The following COX7B2 variants were observed in gnomAD, a reference collection of about 807,000 sequenced individuals.
The protein encoded by COX7B2 is cytochrome c oxidase subunit 7B2, mitochondrial.
For missense variants in COX7B2, 109 were observed against 95.9 expected (o/e 1.14, Z -0.57); for synonymous variants, 37 against 32.1 (o/e 1.15, Z -0.51).
chr4:46,767,184 T>C (rs1306476420), intron 2 of COX7B2, among the ~76,000 whole-genome samples: 1 of 152,164 alleles, frequency 6.6e-6, no homozygotes, highest in Non-Finnish European at 1.5e-5. Context: ...TCCACGCAAG[T>C]GGCAAACAAA....
chr4:46,735,199 T>C lies in COX7B2; in HGVS notation c.-7A>G, dbSNP rs778985696. ...TGGCCAAGGGAAACATCATGAAGGA[T>C]TGCAGTTGCCTTCAGCTACTGGTCT... On this transcript the variant is annotated 5_prime_UTR_variant, in exon 3 of 3. Coordinates refer to ENST00000355591, the MANE Select transcript of COX7B2 (RefSeq NM_130902.3). The C allele has an allele frequency of 4.8e-5, 78 of 1,612,822 alleles. No individual in the cohort carries two copies. Among genetic ancestry groups the C allele is most frequent in the East Asian group, 1.3e-4 (6 of 44,878 alleles).
At chr4:46,763,038 T>C (rs942517430) in intron 2 of COX7B2, among the ~76,000 whole-genome samples, 4 of 132,092 alleles carry the variant, frequency 3.0e-5, no homozygotes, top group African/African-American at 1.1e-4. Context: ...ATATAATATA[T>C]ATTATATATT....
chr4:46,763,686 T>A (rs1046077929), intron 2 of COX7B2, among the ~76,000 whole-genome samples: 2 of 152,136 alleles, frequency 1.3e-5, no homozygotes, highest in African/African-American at 2.4e-5. Context: ...AGATTATATA[T>A]TATATATGAT....
chr4:46,817,265 G>A (rs1719604242), intron 2 of COX7B2, among the ~76,000 whole-genome samples: 1 of 152,166 alleles, frequency 6.6e-6, no homozygotes, highest in African/African-American at 2.4e-5. Flanking sequence ...CAGGCCCTCT[G>A]CTAAGTTATT....
chr4:46,900,175 G>C (rs1234050459), intron 1 of COX7B2, among the ~76,000 whole-genome samples: 4 of 152,120 alleles, frequency 2.6e-5, no homozygotes, highest in Non-Finnish European at 5.9e-5. Flanking sequence ...TGAAAGCATA[G>C]AGCAGAAAAT....
intron 1 of COX7B2, among the ~76,000 whole-genome samples, chr4:46,863,745 T>C (rs553829408): frequency 1.2e-4 from 19 of 152,336 alleles, no homozygotes; most frequent in African/African-American, 4.6e-4. Context: ...TCATATTGAC[T>C]GATGCTGAAA....
intron 2 of COX7B2, among the ~76,000 whole-genome samples, chr4:46,812,938 G>A (rs1719360369): frequency 6.6e-6 from 1 of 152,146 alleles, no homozygotes; most frequent in Non-Finnish European, 1.5e-5. Flanking sequence ...CTATTGCACA[G>A]GGCAGGGGGT....
chr4:46,904,351 G>A (rs1291808466), intron 1 of COX7B2, among the ~76,000 whole-genome samples: 1 of 151,928 alleles, frequency 6.6e-6, no homozygotes, highest in African/African-American at 2.4e-5. Context: ...GAACTCAAAT[G>A]GAGATAACAG....
chr4:46,828,508 T>C (rs927470367), intron 2 of COX7B2, among the ~76,000 whole-genome samples: 7 of 152,020 alleles, frequency 4.6e-5, no homozygotes, highest in African/African-American at 9.7e-5. Flanking sequence ...ATTCAGGAAA[T>C]AGTAAAAATT....
At chr4:46,735,335 T>C (rs1714301308) in intron 2 of COX7B2, 94 bp from the exon 3 acceptor site, 5 of 892,452 alleles carry the variant, frequency 5.6e-6, no homozygotes, top group Non-Finnish European at 8.6e-6. Flanking sequence ...GGAGTGGTGT[T>C]CAGGAATGTG....
intron 1 of COX7B2, among the ~76,000 whole-genome samples, chr4:46,872,051 G>T (rs1315437219): frequency 6.6e-6 from 1 of 152,124 alleles, no homozygotes; most frequent in East Asian, 1.9e-4. Flanking sequence ...ATTCACAATA[G>T]CAAAGTCATG....
chr4:46,735,218 C>T lies in COX7B2; in HGVS notation c.-26G>A, dbSNP rs1435239441. ...GAAGGATTGCAGTTGCCTTCAGCTA[C>T]TGGTCTATTTTGTTGCAAAGAGGCT... On this transcript the variant is annotated 5_prime_UTR_variant, in exon 3 of 3. Coordinates refer to ENST00000355591, the MANE Select transcript of COX7B2 (RefSeq NM_130902.3). 1.1e-5 allele frequency: 17 copies of T among 1,612,056 alleles called. No homozygotes were observed. Among genetic ancestry groups the T allele is most frequent in the Admixed American group, 1.7e-5 (1 of 59,348 alleles).
chr4:46,859,074 T>C (rs1475213764), intron 1 of COX7B2, among the ~76,000 whole-genome samples: 1 of 152,166 alleles, frequency 6.6e-6, no homozygotes, highest in African/African-American at 2.4e-5. Flanking sequence ...AATATGTGGA[T>C]GAGTATGAGG....
rs1261162200 is a variant in COX7B2, at chr4:46,880,534, T to TC, written c.-105+28625dup. 5.3e-5 allele frequency among the ~76,000 whole-genome samples: 8 copies of TC among 151,200 alleles called. 2 individuals are homozygous for TC. Among genetic ancestry groups the TC allele is most frequent in the Admixed American group, 1.3e-4 (2 of 15,118 alleles). ...GCTCAGTCTTGGGAGGGTGCATGTG[T>TC]CCAAGAATGTATCCATCTCTTCTAG... On this transcript the variant is annotated intron_variant, in intron 1 of 2. Transcript: ENST00000355591.
chr4:46,833,194 C>T (rs934328057), intron 2 of COX7B2, among the ~76,000 whole-genome samples: 2 of 152,130 alleles, frequency 1.3e-5, no homozygotes, highest in Non-Finnish European at 2.9e-5. Flanking sequence ...TGTGAGCCAC[C>T]GCGCCCCACC....
intron 2 of COX7B2, among the ~76,000 whole-genome samples, chr4:46,797,069 G>A (rs1361866514): frequency 1.2e-5 from 1 of 85,362 alleles, no homozygotes; most frequent in African/African-American, 6.2e-5. Flanking sequence ...ATGTGCACAT[G>A]TACCCTAAAA....
intron 2 of COX7B2, among the ~76,000 whole-genome samples, chr4:46,760,395 A>G (rs899931619): frequency 5.3e-5 from 8 of 152,220 alleles, no homozygotes; most frequent in Non-Finnish European, 1.2e-4. Flanking sequence ...GGATGAGTTC[A>G]TGTCCTTTGG....
rs375547590 is a variant in COX7B2, at chr4:46,746,903, A to T, written c.-49-11662T>A. Reference sequence around the variant, plus strand: ...GCCTACTAAACACAGGAATTACCATAAAAATAATGGATAAGAATGATTTAT... The same window carrying T: ...GCCTACTAAACACAGGAATTACCATTAAAATAATGGATAAGAATGATTTAT... On this transcript the variant is annotated intron_variant, in intron 2 of 2. Transcript: ENST00000355591. Among the ~76,000 whole-genome samples the T allele has an allele frequency of 4.6e-4, 70 of 152,302 alleles. 1 individual carries two copies. Among genetic ancestry groups the T allele is most frequent in the African/African-American group, 1.5e-3 (64 of 41,556 alleles).
intron 2 of COX7B2, among the ~76,000 whole-genome samples, chr4:46,773,566 T>C (rs1298096692): frequency 6.6e-6 from 1 of 152,078 alleles, no homozygotes; most frequent in Admixed American, 6.6e-5. Context: ...AAATGCATAG[T>C]ATAAGCATGA....
Sources: gnomAD v4.1 joint callset for allele counts (sites outside exome capture counted in the v4.1 genomes callset) on GRCh38, gnomAD v4.1.1 for gene constraint, MANE v1.5 for transcripts, NCBI Gene and HGNC (gene_info 2026-07-23, HGNC 2026-07-21) for gene names.